HSPG2: variants seen among roughly 807,000 people sequenced by gnomAD.
The protein encoded by HSPG2 is heparan sulfate proteoglycan 2.
Under a neutral mutation model 526.6 loss-of-function variants are expected in HSPG2, and 278 were observed. The ratio of observed to expected loss-of-function variants is 0.53; its 90% CI spans 0.48 to 0.58. HSPG2 has a LOEUF of 0.58. HSPG2 is among the 20% of genes least tolerant of loss of function. HSPG2 has a pLI of 0.00. For missense variants in HSPG2, 5,354 were observed against 6,099.5 expected, an observed-to-expected ratio of 0.88 and a Z score of 4.07; for synonymous variants, 2,465 against 2,555.4, an observed-to-expected ratio of 0.96 and a Z score of 1.07.
chr1:21,934,552 T>A (rs1317177034), intron 1 of HSPG2, among the ~76,000 whole-genome samples: 1 of 151,704 alleles, frequency 6.6e-6, no homozygotes, highest in East Asian at 1.9e-4. Context: ...GAGGATCGCT[T>A]GAGGCCAGGA....
In HSPG2 at chr1:21,827,896, A is replaced by C; in HGVS notation, c.12556T>G (p.Ser4186Ala). 2.5e-6 allele frequency: 4 copies of C among 1,597,102 alleles called. No individual in the cohort carries two copies. The highest frequency in any genetic ancestry group is 3.4e-6 in the Non-Finnish European group (4 of 1,172,262). ...CCGCTGCCTTCAAGATGCCAGTCGG[A>C]CTCTGCTATGCCATGTCCAGAGCCT... ...QQGSGHGIAE[S>A]DWHLEGSGGN... The change falls in exon 91 of 97, where the codon TCC becomes GCC. Residue 4186 changes from serine to alanine, a missense_variant. Physicochemically the swap from Ser to Ala is moderately conservative, Grantham distance 99. Transcript: ENST00000374695.
chr1:21,862,192 A>G, intron 37 of HSPG2, 77 bp from the exon 38 acceptor site: 4 of 1,534,832 alleles, frequency 2.6e-6, no homozygotes, highest in Non-Finnish European at 3.6e-6. Context: ...CAATCCCTTG[A>G]TCTAGAAATT....
At chr1:21,878,872 G>T in intron 18 of HSPG2, 122 bp downstream of exon 18, 1 of 1,334,880 alleles carries the variant, frequency 7.5e-7, no homozygotes, top group Non-Finnish European at 1.0e-6. Context: ...CCAGGAGCAT[G>T]GGATAACTTA....
Position 21,865,846 on chromosome 1 carries a change from T to C in HSPG2, c.4222-37A>G, listed in dbSNP as rs1396558567. On this transcript the variant is annotated intron_variant, in intron 33 of 96. Coordinates refer to ENST00000374695, the MANE Select transcript of HSPG2 (RefSeq NM_005529.7). This position sits in a 1 kb window ranked among gnomAD's most constrained non-coding sequence, Gnocchi z 5.4. Reference sequence around the variant, plus strand: ...CAAGCCCAGAGGTCACAGGCTGACCTTGGGGTGTGAGTGTTGGACCATATA... The same window carrying C: ...CAAGCCCAGAGGTCACAGGCTGACCCTGGGGTGTGAGTGTTGGACCATATA... 16 of 1,536,070 alleles carry C rather than the reference T, an allele frequency of 1.0e-5. No homozygotes were observed. The highest frequency in any genetic ancestry group is 1.7e-5 in the Admixed American group (1 of 59,890).
chr1:21,882,073 A>T (rs1417115308), intron 13 of HSPG2, among the ~76,000 whole-genome samples: 1 of 152,126 alleles, frequency 6.6e-6, no homozygotes, highest in Non-Finnish European at 1.5e-5. Flanking sequence ...ATAGCTGGGA[A>T]CCATTTGGGA....
chr1:21,849,597 A>G (rs931931194), intron 57 of HSPG2, among the ~76,000 whole-genome samples: 1 of 152,242 alleles, frequency 6.6e-6, no homozygotes, highest in Admixed American at 6.5e-5. Context: ...TCAGAGAATC[A>G]AGTGACAAGT....
intron 52 of HSPG2, 45 bp downstream of exon 52, chr1:21,852,655 C>T (rs1449594338): frequency 6.2e-7 from 1 of 1,611,598 alleles, no homozygotes; most frequent in East Asian, 2.2e-5. Context: ...ACCCCGGAGG[C>T]CTCTCTGCCT....
Position 21,839,431 on chromosome 1 carries a change from T to A in HSPG2, c.9829A>T (p.Ile3277Phe), listed in dbSNP as rs761327889. ...RVAQQDSGQYICNATSPAGHA... is the reference protein window; with the variant it reads ...RVAQQDSGQYFCNATSPAGHA... Reference sequence around the variant, plus strand: ...CCAGCAGGGCTAGTGGCATTGCAGATGTACTGGCCCGAGTCCTGCTGGGCT... The same window carrying A: ...CCAGCAGGGCTAGTGGCATTGCAGAAGTACTGGCCCGAGTCCTGCTGGGCT... The change falls in exon 73 of 97, where the codon ATC becomes TTC. Residue 3277 changes from isoleucine to phenylalanine, a missense_variant. Coordinates refer to ENST00000374695, the MANE Select transcript of HSPG2 (RefSeq NM_005529.7). The surrounding 1 kb of genome is among the most constrained non-coding windows in gnomAD (Gnocchi z 4.5). The A allele has an allele frequency of 1.9e-6, 3 of 1,614,014 alleles. No individual in the cohort carries two copies. Among genetic ancestry groups the A allele is most frequent in the Non-Finnish European group, 2.5e-6 (3 of 1,179,984 alleles).
intron 1 of HSPG2, among the ~76,000 whole-genome samples, chr1:21,935,596 T>C (rs1644467271): frequency 1.3e-5 from 2 of 152,192 alleles, no homozygotes; most frequent in African/African-American, 4.8e-5. Context: ...TCTGCCACGG[T>C]CCAGGAATGT....
rs374829303 is a variant in HSPG2, at chr1:21,895,924, A to G, written c.242T>C (p.Met81Thr). The change falls in exon 3 of 97, where the codon ATG becomes ACG. Residue 81 changes from methionine to threonine, a missense_variant and splice_region_variant. Met to Thr is a moderately conservative substitution (Grantham distance 81, BLOSUM62 -1). Transcript: ENST00000374695. This position sits in a 1 kb window ranked among gnomAD's most constrained non-coding sequence, Gnocchi z 4.1. ...GCAGGAGGCCTGCAGCAACTTACCC[A>G]TCTGGAAGTCCCCGCTGCCCAGGTC... ...SGDLGSGDFQ[M>T]VYFRALVNFT... 19 of 1,613,920 alleles carry G rather than the reference A, an allele frequency of 1.2e-5. No individual in the cohort carries two copies. Among genetic ancestry groups the G allele is most frequent in the Non-Finnish European group, 1.4e-5 (17 of 1,179,934 alleles).
intron 6 of HSPG2, chr1:21,888,608 C>T: frequency 7.8e-7 from 1 of 1,276,110 alleles, no homozygotes; most frequent in East Asian, 4.8e-5. Flanking sequence ...ACCCGGCCTC[C>T]TCTCCAACCT....
In HSPG2 at chr1:21,875,662, C is replaced by T. The variant is rs78889849; in HGVS notation, c.3269G>A (p.Arg1090Gln). ...AGCGGGCTGCTGGGCGTAGGATGCT[C>T]GGATCAGGAGGGTGTCGATGCCTGC... ...ALAGIDTLLI[R>Q]ASYAQQPAES... The change falls in exon 25 of 97, where the codon CGA (arginine) becomes CAA (glutamine). Residue 1090 changes from arginine to glutamine, a missense_variant. Coordinates refer to ENST00000374695, the MANE Select transcript of HSPG2 (RefSeq NM_005529.7). 9,270 of 1,602,974 alleles carry T rather than the reference C, an allele frequency of 5.8e-3. 43 individuals are homozygous for T. The highest frequency in any genetic ancestry group is 6.9e-3 in the Non-Finnish European group (8,184 of 1,179,948).
Position 21,838,817 on chromosome 1 carries a change from C to T in HSPG2, c.10150+8G>A, listed in dbSNP as rs748227886. On this transcript the variant is annotated splice_region_variant and intron_variant, in intron 74 of 96. Coordinates refer to ENST00000374695, the MANE Select transcript of HSPG2 (RefSeq NM_005529.7). ...GATCCCCTTCCACGCAGAGCCGGGG[C>T]TGCTTACCTTGGACGAGCAGCTGGG... 6.2e-7 allele frequency: 1 copy of T among 1,611,410 alleles called. No individual in the cohort carries two copies. The highest frequency in any genetic ancestry group is 8.5e-7 in the Non-Finnish European group (1 of 1,179,434).
At chr1:21,843,111 C>A (rs533575726) in intron 66 of HSPG2, among the ~76,000 whole-genome samples, 186 bp downstream of exon 66, 4 of 152,158 alleles carry the variant, frequency 2.6e-5, no homozygotes, top group African/African-American at 4.8e-5. Flanking sequence ...GGGCTGGGGT[C>A]CCCCTGGTTG....
chr1:21,935,856 TGA>T (rs1407556323), intron 1 of HSPG2, among the ~76,000 whole-genome samples: 1 of 150,260 alleles, frequency 6.7e-6, no homozygotes, highest in African/African-American at 2.5e-5. Context: ...GGTGAGAGGC[TGA>T]AACAGGAGGA....
At position 21,865,522 on chromosome 1, in the gene HSPG2, C is replaced by T. The variant is rs1223892247; in HGVS notation, c.4315-157G>A. On this transcript the variant is annotated intron_variant, in intron 34 of 96. Coordinates refer to ENST00000374695, the MANE Select transcript of HSPG2 (RefSeq NM_005529.7). The surrounding 1 kb of genome is among the most constrained non-coding windows in gnomAD (Gnocchi z 5.4). ...AAGGAGTCAGGCACATGCCCACTGC[C>T]CCCTTCTCCCAGCAGCAGGATCCTC... Among the ~76,000 whole-genome samples the T allele has an allele frequency of 6.6e-6, 1 of 152,206 alleles. No individual in the cohort carries two copies. The highest frequency in any genetic ancestry group is 1.5e-5 in the Non-Finnish European group (1 of 68,028).
At chr1:21,867,729 CTTTT>C (rs920500058) in intron 33 of HSPG2, among the ~76,000 whole-genome samples, 8 of 152,030 alleles carry the variant, frequency 5.3e-5, no homozygotes, top group Admixed American at 3.3e-4. Flanking sequence ...ACTGCCTATT[CTTTT>C]TTTTGTTTGT....
chr1:21,873,364 A>G lies in HSPG2; in HGVS notation c.3793+11T>C, dbSNP rs750917612. 32 of 1,614,004 alleles carry G rather than the reference A, an allele frequency of 2.0e-5. No homozygotes were observed. The highest frequency in any genetic ancestry group is 5.0e-5 in the Admixed American group (3 of 60,000). On this transcript the variant is annotated intron_variant, in intron 30 of 96. Coordinates refer to ENST00000374695, the MANE Select transcript of HSPG2 (RefSeq NM_005529.7). Reference sequence around the variant, plus strand: ...TAACCCGACCCCAATGACCTCCCCAATCCTACTCACTCTGGCATGGCTGGC... The same window carrying G: ...TAACCCGACCCCAATGACCTCCCCAGTCCTACTCACTCTGGCATGGCTGGC...
At chr1:21,906,725 G>T (rs1264411515) in intron 1 of HSPG2, among the ~76,000 whole-genome samples, 1 of 113,088 alleles carries the variant, frequency 8.8e-6, no homozygotes, top group South Asian at 2.8e-4. Context: ...TGATGGGACT[G>T]GGGGGTGGGG....
Sources: allele counts gnomAD v4.1 joint callset (sites outside exome capture counted in the v4.1 genomes callset), GRCh38; gene constraint gnomAD v4.1.1; non-coding constraint Gnocchi (gnomAD v3.1); transcripts MANE v1.5; gene names NCBI Gene and HGNC (gene_info 2026-07-23, HGNC 2026-07-21).